Variants in CCDC38 observed in about 807,000 individuals in gnomAD.
The protein encoded by CCDC38 is coiled-coil domain containing 38, also known as coiled-coil domain-containing protein 38.
In CCDC38, 69 loss-of-function variants were observed where a neutral mutation model predicts 72.8. The observed-to-expected ratio is 0.95, with a 90% confidence interval of 0.78 to 1.16. The LOEUF (loss-of-function observed/expected upper bound fraction) is 1.16, where lower values mean the gene tolerates loss of function less well. CCDC38 is among the 50% of genes most tolerant of loss of function. The pLI is 0.00. For synonymous variants in CCDC38, 201 were observed against 213.2 expected (o/e 0.94, Z 0.50); for missense variants, 626 against 638.9 (o/e 0.98, Z 0.22).
intron 11 of CCDC38, among the ~76,000 whole-genome samples, chr12:95,881,053 C>A (rs935834528): frequency 6.6e-6 from 1 of 151,848 alleles, no homozygotes; most frequent in African/African-American, 2.4e-5. Context: ...TATTTGTTAT[C>A]CCTTTTGAGT....
At chr12:95,876,835 T>G (rs2079641134) in intron 13 of CCDC38, among the ~76,000 whole-genome samples, 2 of 152,180 alleles carry the variant, frequency 1.3e-5, no homozygotes, top group South Asian at 4.1e-4. Context: ...TCCATAAATG[T>G]GATGTTGTGG....
intron 1 of CCDC38, among the ~76,000 whole-genome samples, chr12:95,941,939 C>A (rs970998110): frequency 6.9e-6 from 1 of 145,310 alleles, no homozygotes; most frequent in African/African-American, 2.5e-5. Flanking sequence ...TAACTGATCT[C>A]TCTTTTATAG....
Position 95,881,548 on chromosome 12 carries a change from A to G in CCDC38, c.927T>C (p.Ala309=). The G allele has an allele frequency of 6.2e-7, 1 of 1,608,454 alleles. No homozygotes were observed. Among genetic ancestry groups the G allele is most frequent in the Non-Finnish European group, 8.5e-7 (1 of 1,177,306 alleles). The change falls in exon 11 of 16, where the codon GCT becomes GCC. Residue 309 remains alanine, a synonymous_variant. Coordinates refer to ENST00000344280, the MANE Select transcript of CCDC38 (RefSeq NM_182496.3). Reference sequence around the variant, plus strand: ...AACTGTCTTCTGAACCGAAACTTTCAGCCAGGCTGTAAAAGAAAAAAGAAA... The same window carrying G: ...AACTGTCTTCTGAACCGAAACTTTCGGCCAGGCTGTAAAAGAAAAAAGAAA... ...RTPEKKKSNL[A]ESFGSEDSLE... is the part of the protein sequence containing the mutation.
At chr12:95,927,292 T>C (rs1452949712) in intron 2 of CCDC38, among the ~76,000 whole-genome samples, 2 of 152,010 alleles carry the variant, frequency 1.3e-5, no homozygotes, top group African/African-American at 2.4e-5. Context: ...TTTACCATTA[T>C]GTAATGGCCT....
At chr12:95,919,216 T>C (rs2080177226) in intron 2 of CCDC38, among the ~76,000 whole-genome samples, 1 of 152,228 alleles carries the variant, frequency 6.6e-6, no homozygotes, top group Non-Finnish European at 1.5e-5. Context: ...GGATATCTCA[T>C]GGTTAGAACA....
intron 4 of CCDC38, among the ~76,000 whole-genome samples, chr12:95,908,450 AGAG>A (rs1173212771): frequency 9.2e-4 from 1 of 1,092 alleles, no homozygotes; most frequent in African/African-American, 0.019. Context: ...GGAAAGAGGG[AGAG>A]GGAGAGGGAG....
chr12:95,879,709 A>G lies in CCDC38; in HGVS notation c.1077T>C (p.Tyr359=), dbSNP rs757764206. The change falls in exon 12 of 16, where the codon TAT becomes TAC. Residue 359 remains tyrosine (Y), a synonymous_variant. Coordinates refer to ENST00000344280, the MANE Select transcript of CCDC38 (RefSeq NM_182496.3). The surrounding 1 kb of genome is among the most constrained non-coding windows in gnomAD (Gnocchi z 5.5). ...LEEQNLTLFQ[Y]SQDVDENLEE... is the part of the protein sequence containing the mutation. ...CAAGATTTTCATCTACATCTTGGGA[A>G]TATTGAAACAAAGTAAGATTCTGCT... is the stretch of plus-strand genomic sequence containing the variant. 23 of 1,609,602 alleles carry G rather than the reference A, an allele frequency of 1.4e-5. No homozygotes were observed. In the African/African-American group the frequency reaches 2.8e-4, roughly 20 times the overall value.
Position 95,894,973 on chromosome 12 carries a change from A to G in CCDC38, c.772+16T>C. Reference sequence around the variant, plus strand: ...AGGGATATTTAGTTCATGAAAGTTGAGTATAAGTAACTTACTTGCTAATAT... The same window carrying G: ...AGGGATATTTAGTTCATGAAAGTTGGGTATAAGTAACTTACTTGCTAATAT... On this transcript the variant is annotated intron_variant, in intron 8 of 15. Transcript: ENST00000344280. 1.3e-6 allele frequency: 2 copies of G among 1,586,412 alleles called. No homozygotes were observed. The highest frequency in any genetic ancestry group is 2.3e-5 in the South Asian group (2 of 87,154).
intron 15 of CCDC38, 119 bp downstream of exon 15, chr12:95,869,361 G>C (rs2079555601): frequency 1.4e-6 from 1 of 716,346 alleles, no homozygotes; most frequent in Non-Finnish European, 2.3e-6. Flanking sequence ...TTGTAGCTGT[G>C]AGCAAGAAAG....
At chr12:95,875,376 G>A (rs1004054365) in intron 13 of CCDC38, among the ~76,000 whole-genome samples, 1 of 152,134 alleles carries the variant, frequency 6.6e-6, no homozygotes, top group Non-Finnish European at 1.5e-5. Context: ...AACTTAAAAT[G>A]TTATTTTAAA....
Position 95,932,036 on chromosome 12 carries a change from AG to A in CCDC38, c.37+4436del, listed in dbSNP as rs1243662647. On this transcript the variant is annotated intron_variant, in intron 2 of 15. Coordinates refer to ENST00000344280, the MANE Select transcript of CCDC38 (RefSeq NM_182496.3). ...ATGGGGTCGGGGGACTGTAGTAGCA[AG>A]GATAATTACTTAGTATCTTGTAGGC... Among the ~76,000 whole-genome samples, 4 of 152,272 alleles carry A rather than the reference AG, an allele frequency of 2.6e-5. No homozygotes were observed. The South Asian group carries it at 6.2e-4, about 24-fold the overall frequency.
intron 14 of CCDC38, chr12:95,869,774 A>G: frequency 2.0e-6 from 1 of 509,580 alleles, no homozygotes. Flanking sequence ...AAATGGGAAG[A>G]AATTTCATCA....
intron 4 of CCDC38, among the ~76,000 whole-genome samples, chr12:95,908,653 A>G (rs1361590091): frequency 2.5e-4 from 2 of 8,030 alleles, no homozygotes; most frequent in African/African-American, 1.4e-3. Flanking sequence ...GGAGAGGGAG[A>G]GGGAGGAGAG....
At chr12:95,928,472 C>T (rs1374559607) in intron 2 of CCDC38, among the ~76,000 whole-genome samples, 2 of 152,160 alleles carry the variant, frequency 1.3e-5, no homozygotes, top group Admixed American at 6.5e-5. Flanking sequence ...AACTTCTTTG[C>T]CTTTGGTTTG....
At chr12:95,907,625 A>G (rs2080024067) in intron 4 of CCDC38, among the ~76,000 whole-genome samples, 1 of 126,620 alleles carries the variant, frequency 7.9e-6, no homozygotes, top group Non-Finnish European at 1.7e-5. Flanking sequence ...CCGGGCGGAG[A>G]CGCTCCTCAC....
intron 13 of CCDC38, among the ~76,000 whole-genome samples, chr12:95,876,451 G>T (rs2079636246): frequency 6.6e-6 from 1 of 152,198 alleles, no homozygotes; most frequent in African/African-American, 2.4e-5. Context: ...AAAAGATGAT[G>T]AAAAAGTTGT....
At chr12:95,933,158 A>G (rs956886145) in intron 2 of CCDC38, 4 of 152,208 alleles carry the variant, frequency 2.6e-5, no homozygotes, top group Admixed American at 1.3e-4. Context: ...TTAAAAACAC[A>G]AAAAGTAGTA....
intron 13 of CCDC38, among the ~76,000 whole-genome samples, chr12:95,874,807 T>C (rs1240807539): frequency 1.3e-5 from 2 of 152,186 alleles, no homozygotes; most frequent in African/African-American, 4.8e-5. Context: ...GGAGGAATCA[T>C]TGTATCAAAA....
chr12:95,930,937 C>G (rs771891255), intron 2 of CCDC38, among the ~76,000 whole-genome samples: 1 of 150,712 alleles, frequency 6.6e-6, no homozygotes, highest in African/African-American at 2.5e-5. Flanking sequence ...TTATATTCTT[C>G]TCTAAGCTGC....
Sources: allele counts gnomAD v4.1 joint callset (sites outside exome capture counted in the v4.1 genomes callset), GRCh38; gene constraint gnomAD v4.1.1; non-coding constraint Gnocchi (gnomAD v3.1); transcripts MANE v1.5; gene names NCBI Gene and HGNC (gene_info 2026-07-23, HGNC 2026-07-21).